CELA3B: variants seen among roughly 807,000 people sequenced by gnomAD.
CELA3B encodes chymotrypsin-like elastase family member 3B.
In CELA3B, 34 loss-of-function variants were observed where a neutral mutation model predicts 37.2. The observed-to-expected ratio is 0.91, with a 90% CI of 0.70 to 1.22. The LOEUF is 1.22. CELA3B is among the 50% of genes most tolerant of loss of function. The pLI is 0.00. For missense variants in CELA3B, 340 were observed against 363.1 expected (o/e 0.94, Z 0.52); for synonymous variants, 127 against 143.5 (o/e 0.89, Z 0.82).
chr1:21,986,627 C>G lies in CELA3B; in HGVS notation c.739C>G (p.Arg247Gly). Reference sequence around the variant, plus strand: ...TGTTTCTGCCTTTGGCTGCAACACCCGCAGGAAGCCCACGGTGTTCACTCG... The same window carrying G: ...TGTTTCTGCCTTTGGCTGCAACACCGGCAGGAAGCCCACGGTGTTCACTCG... The part of the protein sequence containing the change: ...SFVSAFGCNT[R>G]RKPTVFTRVS... Residue 247 changes from arginine to glycine, a missense_variant, in exon 7 of 8, where the codon CGC (arginine) becomes GGC (glycine). Arg to Gly is a moderately radical substitution (Grantham distance 125). Coordinates refer to ENST00000337107, the MANE Select transcript of CELA3B (RefSeq NM_007352.4). 1 of 1,613,480 alleles carries G rather than the reference C, an allele frequency of 6.2e-7. No homozygotes were observed. Among genetic ancestry groups the G allele is most frequent in the Non-Finnish European group, 8.5e-7 (1 of 1,179,586 alleles).
chr1:21,988,928 TATACATAC>T (rs56242953), intron 7 of CELA3B, among the ~76,000 whole-genome samples: 3 of 151,248 alleles, frequency 2.0e-5, no homozygotes, highest in African/African-American at 2.4e-5. Flanking sequence ...ATTTTGTTTA[TATACATAC>T]ATACATACAT....
intron 6 of CELA3B, 76 bp from the exon 7 acceptor site, chr1:21,986,455 A>T: frequency 6.4e-7 from 1 of 1,564,322 alleles, no homozygotes; most frequent in Non-Finnish European, 8.6e-7. Flanking sequence ...GAGTTTCTCG[A>T]AATCCCTAGA....
At chr1:21,992,158 G>C (rs1557868776), downstream of CELA3B, among the ~76,000 whole-genome samples, 1 of 151,134 alleles carries the variant, frequency 6.6e-6, no homozygotes, top group Non-Finnish European at 1.5e-5. Context: ...TAACAAAGGG[G>C]GTCCTGACAC....
chr1:21,979,417 G>T (rs530812830), intron 2 of CELA3B, among the ~76,000 whole-genome samples: 3 of 148,486 alleles, frequency 2.0e-5, no homozygotes, highest in Non-Finnish European at 4.5e-5. Flanking sequence ...ATTCCTCAGT[G>T]CTTGCCATAT....
chr1:21,987,081 A>C, intron 7 of CELA3B: 2 of 369,990 alleles, frequency 5.4e-6, no homozygotes, highest in Non-Finnish European at 1.1e-5. Flanking sequence ...CCCAGACTTC[A>C]TCTGGGGATG....
At chr1:21,985,010 T>C (rs1460698393) in intron 6 of CELA3B, among the ~76,000 whole-genome samples, 1 of 151,976 alleles carries the variant, frequency 6.6e-6, no homozygotes, top group Admixed American at 6.6e-5. Flanking sequence ...CTGGGCACAG[T>C]CCCTCATGCC....
intron 7 of CELA3B, chr1:21,987,161 A>G (rs1255902065): frequency 8.5e-6 from 3 of 353,630 alleles, no homozygotes; most frequent in Non-Finnish European, 5.8e-6. Context: ...AAGAAAAAAA[A>G]AAAGAGTAAT....
At chr1:21,988,911 A>AT (rs1644856117) in intron 7 of CELA3B, among the ~76,000 whole-genome samples, 4 of 150,310 alleles carry the variant, frequency 2.7e-5, no homozygotes, top group South Asian at 2.1e-4. Context: ...AAACTCCAAA[A>AT]ATATATATTT....
Position 21,995,490 on chromosome 1 carries a change from C to T in CELA3B, c.505-2661C>T, listed in dbSNP as rs576987350. Among the ~76,000 whole-genome samples, 40 of 151,182 alleles carry T rather than the reference C, an allele frequency of 2.6e-4. 2 individuals carry two copies. Among genetic ancestry groups the T allele is most frequent in the African/African-American group, 9.5e-4 (39 of 40,842 alleles). On this transcript the variant is annotated intron_variant, in intron 4 of 4. Transcript: ENST00000400277. The stretch of plus-strand genomic sequence containing the variant: ...GGGGCTGTGCAGAATGGAAACCACA[C>T]TTGCCTGTCTCCCAGGAAGCCAGGT...
At chr1:21,995,424 C>T (rs1004764845) in intron 4 of CELA3B, among the ~76,000 whole-genome samples, 6 of 151,104 alleles carry the variant, frequency 4.0e-5, no homozygotes, top group Non-Finnish European at 8.8e-5. Flanking sequence ...AGGCATGAGA[C>T]ACTGCACCCT....
chr1:21,989,062 T>C, intron 7 of CELA3B, among the ~76,000 whole-genome samples, 200 bp from the exon 8 acceptor site: 1 of 151,994 alleles, frequency 6.6e-6, no homozygotes, highest in Non-Finnish European at 1.5e-5. Flanking sequence ...AGAACCTTAG[T>C]TAACAATTTA....
intron 7 of CELA3B, among the ~76,000 whole-genome samples, chr1:21,988,634 G>A (rs1448517290): frequency 7.0e-6 from 1 of 142,642 alleles, no homozygotes; most frequent in East Asian, 2.1e-4. Flanking sequence ...GCTCATGCCT[G>A]TAATCCCACC....
intron 1 of CELA3B, among the ~76,000 whole-genome samples, chr1:21,977,315 T>C (rs1179241672): frequency 1.3e-5 from 2 of 152,072 alleles, no homozygotes; most frequent in Non-Finnish European, 2.9e-5. Flanking sequence ...AAGTCCTTGA[T>C]GGGGGCAGTA....
chr1:21,994,289 C>T (rs1339979611), downstream of CELA3B, among the ~76,000 whole-genome samples: 1 of 150,818 alleles, frequency 6.6e-6, no homozygotes, highest in African/African-American at 2.5e-5. Context: ...AGGTACTTCT[C>T]TCCCTACACT....
intron 4 of CELA3B, among the ~76,000 whole-genome samples, chr1:21,982,739 G>A (rs1249759568): frequency 3.9e-5 from 6 of 152,120 alleles, no homozygotes; most frequent in Middle Eastern, 3.4e-3. Context: ...GTGCAGTGGC[G>A]CAATCTTGGC....
chr1:21,984,498 C>T (rs1644826574), intron 6 of CELA3B, among the ~76,000 whole-genome samples, 167 bp downstream of exon 6: 1 of 151,912 alleles, frequency 6.6e-6, no homozygotes, highest in Admixed American at 6.6e-5. Flanking sequence ...GAGCCCAGGC[C>T]TGGGAGTCAG....
chr1:21,987,522 GA>G (rs35662025), intron 7 of CELA3B: 29,027 of 150,304 alleles, frequency 0.19, 3,560 homozygotes, highest in East Asian at 0.37. Context: ...AGCTACTTGG[GA>G]GGCTGAGGCA....
In CELA3B at chr1:21,995,133, T is replaced by A. The variant is rs1017583989; in HGVS notation, c.505-3018T>A. Among the ~76,000 whole-genome samples, 16 of 121,764 alleles carry A rather than the reference T, an allele frequency of 1.3e-4. 1 individual carries two copies. The highest frequency in any genetic ancestry group is 1.9e-4 in the African/African-American group (5 of 26,550). 79.9% of individuals were successfully genotyped at this position (121,764 alleles called of 152,430 possible). On this transcript the variant is annotated intron_variant, in intron 4 of 4. Transcript: ENST00000400277. ...TGTCCCCAATATTGGCTCTCCCCCTTTCTTTTCTTTCTTTTTTTTTTTTTT... is the reference window on the plus strand; with the variant it reads ...TGTCCCCAATATTGGCTCTCCCCCTATCTTTTCTTTCTTTTTTTTTTTTTT...
intron 6 of CELA3B, among the ~76,000 whole-genome samples, chr1:21,985,606 A>T (rs988696277): frequency 3.3e-5 from 5 of 151,790 alleles, no homozygotes; most frequent in Admixed American, 1.3e-4. Flanking sequence ...AAAAAAAAAA[A>T]AATGGCCGGG....
Sources: allele counts gnomAD v4.1 joint callset (sites outside exome capture counted in the v4.1 genomes callset), GRCh38; gene constraint gnomAD v4.1.1; transcripts MANE v1.5; gene names NCBI Gene and HGNC (gene_info 2026-07-23, HGNC 2026-07-21).